CSMD1: variants seen among roughly 807,000 people sequenced by gnomAD.
CSMD1 encodes the protein CUB and sushi domain-containing protein 1.
CSMD1 carries 213 observed loss-of-function variants against 417.5 expected under a neutral mutation model. That is an observed-to-expected ratio of 0.51 (90% CI 0.46 to 0.57). The LOEUF is 0.57. Among genes scored for constraint, CSMD1 ranks in the 20% least tolerant of loss-of-function variants. The probability of loss-of-function intolerance (pLI) is 0.00; values close to 1 mark genes in which losing one functional copy is unlikely to be tolerated. For synonymous variants in CSMD1, 2,862 were observed against 1,736.8 expected, an observed-to-expected ratio of 1.65 and a Z score of -16.11; for missense variants, 6,923 against 4,529.7, an observed-to-expected ratio of 1.53 and a Z score of -15.17.
At chr8:3,071,075 G>A (rs914966566) in intron 49 of CSMD1, among the ~76,000 whole-genome samples, 3 of 152,026 alleles carry the variant, frequency 2.0e-5, no homozygotes, top group African/African-American at 7.3e-5. Flanking sequence ...GAGGTGGGTG[G>A]GGATGCCACA....
chr8:4,802,351 G>C, intron 1 of CSMD1, among the ~76,000 whole-genome samples: 1 of 133,842 alleles, frequency 7.5e-6, no homozygotes, highest in Admixed American at 7.5e-5. Context: ...GTGTGTGCGC[G>C]CGTGTGTGTG....
intron 3 of CSMD1, among the ~76,000 whole-genome samples, chr8:4,092,290 C>T (rs961743124): frequency 1.3e-5 from 2 of 152,054 alleles, no homozygotes; most frequent in South Asian, 2.1e-4. Context: ...TATGGGAAAC[C>T]CGAGGGCAAC....
chr8:4,744,851 G>C (rs929222632), intron 1 of CSMD1, among the ~76,000 whole-genome samples: 2 of 152,050 alleles, frequency 1.3e-5, no homozygotes, highest in Non-Finnish European at 2.9e-5. Flanking sequence ...TTCTAATTTA[G>C]TAGTCTCAGA....
intron 37 of CSMD1, among the ~76,000 whole-genome samples, chr8:3,170,521 T>C (rs1249051647): frequency 2.0e-5 from 3 of 152,236 alleles, no homozygotes; most frequent in African/African-American, 7.2e-5. Flanking sequence ...GCTTTATTTC[T>C]AACAGCACCT....
chr8:4,454,222 C>G (rs998250001), intron 2 of CSMD1, among the ~76,000 whole-genome samples: 2 of 152,112 alleles, frequency 1.3e-5, no homozygotes, highest in African/African-American at 2.4e-5. Flanking sequence ...TTATCCACCC[C>G]CAACACCGCC....
intron 1 of CSMD1, among the ~76,000 whole-genome samples, chr8:4,763,073 C>G (rs963331759): frequency 1.3e-5 from 2 of 152,012 alleles, no homozygotes; most frequent in African/African-American, 4.8e-5. Flanking sequence ...CATCCAGTGT[C>G]AAAAATTGTT....
chr8:4,511,014 T>C (rs754115533), intron 2 of CSMD1, among the ~76,000 whole-genome samples: 1 of 152,064 alleles, frequency 6.6e-6, no homozygotes, highest in Non-Finnish European at 1.5e-5. Flanking sequence ...GCCTTTAACC[T>C]ATGTGGCTGC....
chr8:4,223,931 C>G (rs543410173), intron 3 of CSMD1, among the ~76,000 whole-genome samples: 28 of 152,202 alleles, frequency 1.8e-4, no homozygotes, highest in African/African-American at 6.3e-4. Flanking sequence ...TAATAACATC[C>G]AGGGGTCCTT....
chr8:4,927,627 C>G (rs1806959511), intron 1 of CSMD1, among the ~76,000 whole-genome samples: 1 of 152,168 alleles, frequency 6.6e-6, no homozygotes, highest in South Asian at 2.1e-4. Context: ...CGAAAGACAA[C>G]AGGCAGGGCA....
intron 50 of CSMD1, among the ~76,000 whole-genome samples, chr8:3,046,297 G>T (rs1379206450): frequency 2.0e-5 from 3 of 152,142 alleles, no homozygotes; most frequent in Non-Finnish European, 1.5e-5. Context: ...CAGAGGCAGG[G>T]CTTGGTGAGG....
intron 2 of CSMD1, among the ~76,000 whole-genome samples, chr8:4,558,794 G>A (rs1798204872): frequency 6.6e-6 from 1 of 152,192 alleles, no homozygotes; most frequent in Non-Finnish European, 1.5e-5. Flanking sequence ...CTTGAACCCA[G>A]GAGGTGGACG....
chr8:4,264,951 G>A (rs80272838), intron 3 of CSMD1, among the ~76,000 whole-genome samples: 75 of 152,166 alleles, frequency 4.9e-4, no homozygotes, highest in African/African-American at 1.7e-3. Context: ...CAAATATTTC[G>A]AACAGGATAA....
chr8:3,467,576 A>C (rs1246000513), intron 12 of CSMD1, among the ~76,000 whole-genome samples: 1 of 152,202 alleles, frequency 6.6e-6, no homozygotes, highest in African/African-American at 2.4e-5. Flanking sequence ...AAGGGTCATT[A>C]AGTCCCCAAC....
intron 6 of CSMD1, among the ~76,000 whole-genome samples, chr8:3,741,728 T>C (rs1382804624): frequency 1.3e-5 from 2 of 152,038 alleles, no homozygotes; most frequent in African/African-American, 4.8e-5. Flanking sequence ...GCATTCTTAC[T>C]GAGAAAGAAG....
chr8:4,681,217 A>T (rs1322362798), intron 1 of CSMD1, among the ~76,000 whole-genome samples: 1 of 152,126 alleles, frequency 6.6e-6, no homozygotes, highest in Non-Finnish European at 1.5e-5. Context: ...GAAATGAGAG[A>T]GGTCATTTGA....
At chr8:3,788,531 A>G (rs1043481107) in intron 5 of CSMD1, among the ~76,000 whole-genome samples, 2 of 152,194 alleles carry the variant, frequency 1.3e-5, no homozygotes, top group African/African-American at 2.4e-5. Context: ...CTCACCTCAG[A>G]TATTTATTCA....
At chr8:4,857,813 A>T (rs1000292293) in intron 1 of CSMD1, among the ~76,000 whole-genome samples, 2 of 152,082 alleles carry the variant, frequency 1.3e-5, no homozygotes, top group Non-Finnish European at 2.9e-5. Flanking sequence ...AGATGGATTC[A>T]CAGCCGAATT....
intron 3 of CSMD1, among the ~76,000 whole-genome samples, chr8:4,392,111 A>T (rs551484858): frequency 1.3e-5 from 2 of 152,192 alleles, no homozygotes; most frequent in African/African-American, 4.8e-5. Flanking sequence ...GACCAGCAGA[A>T]TCTGTACAGC....
At chr8:4,365,344 T>C (rs1480055841) in intron 3 of CSMD1, among the ~76,000 whole-genome samples, 1 of 152,224 alleles carries the variant, frequency 6.6e-6, no homozygotes, top group Non-Finnish European at 1.5e-5. Context: ...AATGCTAAGA[T>C]TATCAAAATC....
Sources: gnomAD v4.1 joint callset for allele counts (sites outside exome capture counted in the v4.1 genomes callset) on GRCh38, gnomAD v4.1.1 for gene constraint, MANE v1.5 for transcripts, NCBI Gene and HGNC (gene_info 2026-07-23, HGNC 2026-07-21) for gene names.